TMTC1: variants seen among roughly 807,000 people sequenced by gnomAD.
TMTC1 encodes protein O-mannosyl-transferase TMTC1.
In TMTC1, 73 loss-of-function variants were observed where a neutral mutation model predicts 104.8. That is an observed-to-expected ratio of 0.70 (90% CI 0.58 to 0.85). TMTC1 has a LOEUF of 0.85. Ranked by LOEUF, TMTC1 falls within the 40% of genes least tolerant of loss-of-function variation. The probability of loss-of-function intolerance (pLI) is 0.00; values close to 1 mark genes in which losing one functional copy is unlikely to be tolerated. For synonymous variants in TMTC1, 434 were observed against 428.7 expected (o/e 1.01, Z -0.15); for missense variants, 1,035 against 1,096.1 (o/e 0.94, Z 0.79).
At chr12:29,728,245 G>A (rs1216951755) in intron 5 of TMTC1, among the ~76,000 whole-genome samples, 1 of 152,030 alleles carries the variant, frequency 6.6e-6, no homozygotes, top group Non-Finnish European at 1.5e-5. Flanking sequence ...AGATCTCAGA[G>A]TTGGAAGGAA....
chr12:29,612,564 A>T (rs1312469218), intron 6 of TMTC1, among the ~76,000 whole-genome samples: 1 of 152,102 alleles, frequency 6.6e-6, no homozygotes, highest in East Asian at 1.9e-4. Flanking sequence ...GACATGTGCC[A>T]TCATGCCTGA....
intron 5 of TMTC1, among the ~76,000 whole-genome samples, chr12:29,690,769 T>G (rs74078961): frequency 2.0e-5 from 3 of 152,238 alleles, no homozygotes; most frequent in Non-Finnish European, 4.4e-5. Context: ...TAAGACATTT[T>G]GGGAAAATAT....
chr12:29,684,582 T>C (rs969517006), intron 5 of TMTC1, among the ~76,000 whole-genome samples: 1 of 152,196 alleles, frequency 6.6e-6, no homozygotes, highest in Non-Finnish European at 1.5e-5. Flanking sequence ...AGGAGCTTTT[T>C]ATTTCTTTTT....
In TMTC1 at chr12:29,705,703, T is replaced by A. The variant is rs574360741; in HGVS notation, c.938+45963A>T. Among the ~76,000 whole-genome samples, 5 of 152,314 alleles carry A rather than the reference T, an allele frequency of 3.3e-5. No individual in the cohort carries two copies. The East Asian group carries it at 9.7e-4, about 29-fold the overall frequency. On this transcript the variant is annotated intron_variant, in intron 5 of 17. Coordinates refer to ENST00000539277, the MANE Select transcript of TMTC1 (RefSeq NM_001193451.2). ...TCTCTGTGTTTCTCCTGTGTACACA[T>A]GAGGTACACATTTTATTAAGCTTCT...
At chr12:29,570,078 A>G (rs1392189601) in intron 9 of TMTC1, among the ~76,000 whole-genome samples, 1 of 152,190 alleles carries the variant, frequency 6.6e-6, no homozygotes, top group Non-Finnish European at 1.5e-5. Context: ...AATAAAACCA[A>G]TTAAAAAGAT....
chr12:29,550,650 T>C (rs1014927604), intron 10 of TMTC1, among the ~76,000 whole-genome samples: 1 of 151,886 alleles, frequency 6.6e-6, no homozygotes, highest in Non-Finnish European at 1.5e-5. Flanking sequence ...GGCCAGGCCA[T>C]GTTGGTAAAT....
chr12:29,747,665 T>C (rs1942988843), intron 5 of TMTC1, among the ~76,000 whole-genome samples: 2 of 152,206 alleles, frequency 1.3e-5, no homozygotes, highest in African/African-American at 4.8e-5. Context: ...ATTTTCATAA[T>C]GCATCCTGGT....
Position 29,772,367 on chromosome 12 carries a change from T to G in TMTC1, c.303-4292A>C, listed in dbSNP as rs139045039. ...TTATCATTATGCACACAATTTTTTT[T>G]TGTGTACGGTAAAGAGGAAAGTGAA... On this transcript the variant is annotated intron_variant, in intron 1 of 17. Transcript: ENST00000539277. Among the ~76,000 whole-genome samples, 663 of 152,294 alleles carry G rather than the reference T, an allele frequency of 4.4e-3. 8 individuals carry two copies. The highest frequency in any genetic ancestry group is 0.015 in the African/African-American group (624 of 41,574).
intron 7 of TMTC1, among the ~76,000 whole-genome samples, chr12:29,584,422 C>T (rs1201309217): frequency 6.6e-6 from 1 of 151,452 alleles, no homozygotes; most frequent in Non-Finnish European, 1.5e-5. Context: ...TTTCTTACTT[C>T]TTCTTTTATT....
intron 11 of TMTC1, among the ~76,000 whole-genome samples, chr12:29,522,934 G>T (rs1214323423): frequency 6.6e-6 from 1 of 152,190 alleles, no homozygotes; most frequent in South Asian, 2.1e-4. Flanking sequence ...CAGCACGTTG[G>T]TTTATCATGC....
chr12:29,672,109 A>G (rs1940540233), intron 5 of TMTC1, among the ~76,000 whole-genome samples: 1 of 152,212 alleles, frequency 6.6e-6, no homozygotes, highest in Non-Finnish European at 1.5e-5. Context: ...GAGCAGCAGT[A>G]TGACATCCCT....
chr12:29,604,812 T>A (rs1363849908), intron 6 of TMTC1, among the ~76,000 whole-genome samples: 2 of 152,196 alleles, frequency 1.3e-5, no homozygotes, highest in African/African-American at 2.4e-5. Context: ...GGGATGCCAA[T>A]GGAGAGAGAA....
rs1168309798 is a variant in TMTC1, at chr12:29,556,893, T to C, written c.1640A>G (p.His547Arg). The change falls in exon 10 of 18, where the codon CAT becomes CGT. Residue 547 changes from histidine to arginine, a missense_variant. Coordinates refer to ENST00000539277, the MANE Select transcript of TMTC1 (RefSeq NM_001193451.2). ...YQRALQLHPQ[H>R]NRALFNLGNL... is the part of the protein sequence containing the mutation. ...CCCCAGATTGAAAAGAGCCCGGTTA[T>C]GCTGTGGATGGAGCTGGAGAGCCCT... 2.5e-6 allele frequency: 4 copies of C among 1,614,104 alleles called. No homozygotes were observed. The highest frequency in any genetic ancestry group is 1.1e-5 in the South Asian group (1 of 91,082).
At chr12:29,670,805 C>T (rs1940475003) in intron 5 of TMTC1, among the ~76,000 whole-genome samples, 1 of 151,198 alleles carries the variant, frequency 6.6e-6, no homozygotes, top group South Asian at 2.1e-4. Flanking sequence ...GTGGCACATG[C>T]CTGTAGTCCC....
At chr12:29,650,669 G>GT (rs1198846147) in intron 5 of TMTC1, among the ~76,000 whole-genome samples, 1 of 152,208 alleles carries the variant, frequency 6.6e-6, no homozygotes, top group Non-Finnish European at 1.5e-5. Context: ...AGCAGTCAGT[G>GT]TAAGTTTTCT....
intron 16 of TMTC1, 123 bp downstream of exon 16, chr12:29,514,359 A>T: frequency 1.0e-6 from 1 of 998,928 alleles, no homozygotes; most frequent in Non-Finnish European, 1.4e-6. Context: ...AAAAAAACTC[A>T]CTCACTCCAT....
chr12:29,572,529 G>A (rs1351649790), intron 8 of TMTC1, among the ~76,000 whole-genome samples: 1 of 152,146 alleles, frequency 6.6e-6, no homozygotes, highest in Non-Finnish European at 1.5e-5. Flanking sequence ...CTGGAGTCTG[G>A]GTAAGGCTCT....
rs1429531150 is a variant in TMTC1, at chr12:29,546,322, C to T, written c.1677-10005G>A. The stretch of plus-strand genomic sequence containing the variant: ...TGGCCAGAAAGCTGAGGGAAGAGAG[C>T]CCTGCTATGCTGGCCGGCAGACAAG... On this transcript the variant is annotated intron_variant, in intron 10 of 17. Transcript: ENST00000539277. Among the ~76,000 whole-genome samples, 2 of 152,152 alleles carry T rather than the reference C, an allele frequency of 1.3e-5. 1 individual carries two copies. Among genetic ancestry groups the T allele is most frequent in the South Asian group, 4.1e-4 (2 of 4,822 alleles).
Position 29,593,282 on chromosome 12 carries a change from C to T in TMTC1, c.1251-9708G>A, listed in dbSNP as rs536466828. 5.9e-5 allele frequency among the ~76,000 whole-genome samples: 9 copies of T among 152,132 alleles called. No individual in the cohort carries two copies. The South Asian group carries it at 6.2e-4, about 11-fold the overall frequency. On this transcript the variant is annotated intron_variant, in intron 7 of 17. Transcript: ENST00000539277. ...GAATAAATGAAATAATGTATGTAAA[C>T]GTGTTCTGTAAACTAAAGGTGAAGT...
Sources: allele counts gnomAD v4.1 joint callset (sites outside exome capture counted in the v4.1 genomes callset), GRCh38; gene constraint gnomAD v4.1.1; transcripts MANE v1.5; gene names NCBI Gene and HGNC (gene_info 2026-07-23, HGNC 2026-07-21).